Variants in PCDHA3 observed in about 807,000 individuals in gnomAD.
PCDHA3 encodes protocadherin alpha-3.
Under a neutral mutation model 62.2 loss-of-function variants are expected in PCDHA3, and 41 were observed. That is an observed-to-expected ratio of 0.66 (90% CI 0.51 to 0.86). The LOEUF is 0.86. Among genes scored for constraint, PCDHA3 ranks in the 40% least tolerant of loss-of-function variants. The pLI is 0.00. For missense variants in PCDHA3, 1,304 were observed against 1,241.2 expected, an observed-to-expected ratio of 1.05 and a Z score of -0.76; for synonymous variants, 640 against 555.4, an observed-to-expected ratio of 1.15 and a Z score of -2.14.
At chr5:140,936,449 C>A (rs1245206418) in intron 1 of PCDHA3, among the ~76,000 whole-genome samples, 1 of 152,174 alleles carries the variant, frequency 6.6e-6, no homozygotes, top group African/African-American at 2.4e-5. Context: ...ATAACCACAT[C>A]TGTTTAGTGG....
chr5:140,884,450 AC>A, intron 1 of PCDHA3: 1 of 1,613,762 alleles, frequency 6.2e-7, no homozygotes, highest in Non-Finnish European at 8.5e-7. Context: ...GGCACCGCCC[AC>A]CGAGGGCGCG....
chr5:140,856,448 G>GT (rs1562509895), intron 1 of PCDHA3: 1 of 1,598,390 alleles, frequency 6.3e-7, no homozygotes, highest in East Asian at 2.2e-5. Flanking sequence ...CAGGTTCTCC[G>GT]TAACAGAACA....
intron 1 of PCDHA3, chr5:140,823,692 C>T (rs2150128224): frequency 2.5e-6 from 4 of 1,613,934 alleles, no homozygotes; most frequent in South Asian, 1.1e-5. Context: ...TGGATGAGAC[C>T]GAAGCACCGC....
chr5:140,829,456 C>A, intron 1 of PCDHA3: 1 of 1,613,884 alleles, frequency 6.2e-7, no homozygotes, highest in Non-Finnish European at 8.5e-7. Flanking sequence ...CTCCGGCGTT[C>A]GCGCAGCCCG....
chr5:140,867,059 TTATA>T (rs782538902), intron 1 of PCDHA3: 1 of 152,152 alleles, frequency 6.6e-6, no homozygotes, highest in Non-Finnish European at 1.5e-5. Flanking sequence ...CAGTACTACT[TTATA>T]TATTCACAAA....
intron 1 of PCDHA3, among the ~76,000 whole-genome samples, chr5:140,917,068 G>A (rs2077864221): frequency 6.6e-6 from 1 of 152,066 alleles, no homozygotes; most frequent in African/African-American, 2.4e-5. Flanking sequence ...CGACAGCACC[G>A]AGTTTAATGT....
chr5:141,007,393 T>C (rs1485010105), intron 3 of PCDHA3, among the ~76,000 whole-genome samples: 2 of 23,410 alleles, frequency 8.5e-5, no homozygotes, highest in African/African-American at 2.3e-4. Context: ...TCTACTAAAA[T>C]ACAAAAAAAA....
intron 1 of PCDHA3, among the ~76,000 whole-genome samples, chr5:140,899,128 T>A (rs1217010779): frequency 3.9e-5 from 6 of 152,160 alleles, no homozygotes; most frequent in Non-Finnish European, 7.3e-5. Context: ...CAATCATGTC[T>A]TCTGCAAACA....
chr5:140,807,122 G>A (rs1167466402), intron 1 of PCDHA3: 7 of 1,539,976 alleles, frequency 4.5e-6, no homozygotes, highest in South Asian at 2.5e-5. Flanking sequence ...TTGACTGACC[G>A]ATTAAAAGAT....
rs1554164263 is a variant in PCDHA3, at chr5:140,870,437, C to T, written c.2394+66846C>T. ...ACGGCCAGGGTATCCGTGGAGGTGG[C>T]CGACGTGAACGACAATGCGCCTGCG... On this transcript the variant is annotated intron_variant, in intron 1 of 3. Transcript: ENST00000522353. 3.1e-6 allele frequency: 5 copies of T among 1,614,210 alleles called. No homozygotes were observed. In the East Asian group the frequency reaches 1.1e-4, roughly 36 times the overall value.
intron 1 of PCDHA3, chr5:140,867,918 T>C (rs1236326427): frequency 6.6e-6 from 1 of 152,144 alleles, no homozygotes; most frequent in Non-Finnish European, 1.5e-5. Context: ...TAATTAAAAA[T>C]CACTTCCCTT....
intron 1 of PCDHA3, chr5:140,884,122 G>C: frequency 1.2e-6 from 2 of 1,613,306 alleles, no homozygotes. Flanking sequence ...CGGTCGGCGC[G>C]CGCATCCCGT....
At chr5:140,882,558 G>C (rs782792864) in intron 1 of PCDHA3, 3 of 1,614,130 alleles carry the variant, frequency 1.9e-6, no homozygotes, top group African/African-American at 1.3e-5. Flanking sequence ...GAGCTGTGTG[G>C]GCGGAGCGCG....
intron 1 of PCDHA3, chr5:140,863,757 G>A (rs2048159267): frequency 4.1e-6 from 1 of 243,012 alleles, no homozygotes; most frequent in Non-Finnish European, 8.1e-6. Context: ...CCGGCACTTT[G>A]GGAAGCCGAG....
At chr5:140,828,316 G>A (rs1554131197) in intron 1 of PCDHA3, 2 of 1,614,208 alleles carry the variant, frequency 1.2e-6, no homozygotes, top group Admixed American at 3.3e-5. Context: ...AGGACCTTCT[G>A]GAGGTAAATC....
intron 1 of PCDHA3, chr5:140,809,664 G>A (rs1554125341): frequency 2.0e-6 from 3 of 1,474,750 alleles, no homozygotes; most frequent in Non-Finnish European, 2.7e-6. Context: ...AATTTCCCTG[G>A]GTTAAAATTT....
intron 1 of PCDHA3, among the ~76,000 whole-genome samples, chr5:140,941,274 C>T (rs1267060320): frequency 2.7e-3 from 120 of 44,772 alleles, no homozygotes; most frequent in African/African-American, 7.9e-3. Flanking sequence ...TCTTTCTTTC[C>T]TTCCTTCCTT....
At chr5:140,825,409 T>A (rs1768556836) in intron 1 of PCDHA3, 1 of 146,468 alleles carries the variant, frequency 6.8e-6, no homozygotes, top group African/African-American at 2.5e-5. Context: ...ATTATATATT[T>A]TATATAATAT....
intron 1 of PCDHA3, chr5:140,809,061 G>A (rs1554124972): frequency 2.5e-6 from 4 of 1,613,810 alleles, no homozygotes; most frequent in Non-Finnish European, 1.7e-6. Flanking sequence ...TTCCGCGTGG[G>A]GCTGTACACT....
Sources: gnomAD v4.1 joint callset for allele counts (sites outside exome capture counted in the v4.1 genomes callset) on GRCh38, gnomAD v4.1.1 for gene constraint, MANE v1.5 for transcripts, NCBI Gene and HGNC (gene_info 2026-07-23, HGNC 2026-07-21) for gene names.